Variants in TMEM116 observed in about 807,000 individuals in gnomAD.
TMEM116 encodes the protein transmembrane protein 116.
In TMEM116, 38 loss-of-function variants were observed where a neutral mutation model predicts 44.3. That is an observed-to-expected ratio of 0.86 (90% CI 0.66 to 1.12). The LOEUF is 1.12. Among genes scored for constraint, TMEM116 ranks in the 50% most tolerant of loss-of-function variants. The probability of loss-of-function intolerance (pLI) is 0.00; values close to 1 mark genes in which losing one functional copy is unlikely to be tolerated. For missense variants in TMEM116, 354 were observed against 401.7 expected, an observed-to-expected ratio of 0.88 and a Z score of 1.01; for synonymous variants, 132 against 144.8, an observed-to-expected ratio of 0.91 and a Z score of 0.64.
intron 1 of TMEM116, among the ~76,000 whole-genome samples, chr12:112,006,552 G>A (rs2077595540): frequency 6.6e-6 from 1 of 152,222 alleles, no homozygotes; most frequent in Admixed American, 6.5e-5. Context: ...TTAATACACT[G>A]ATGCTTAAAT....
intron 2 of TMEM116, among the ~76,000 whole-genome samples, chr12:112,004,788 G>A (rs913107110): frequency 6.6e-6 from 1 of 151,628 alleles, no homozygotes; most frequent in African/African-American, 2.4e-5. Context: ...CTATTTTTAT[G>A]GGGTTTTTTT....
chr12:111,978,692 C>T, intron 4 of TMEM116: 1 of 385,438 alleles, frequency 2.6e-6, no homozygotes, highest in South Asian at 1.9e-5. Flanking sequence ...TGTTTGGATA[C>T]AACAAGAAAA....
At chr12:111,999,774 C>T (rs1360443508) in intron 3 of TMEM116, among the ~76,000 whole-genome samples, 1 of 152,050 alleles carries the variant, frequency 6.6e-6, no homozygotes, top group Non-Finnish European at 1.5e-5. Context: ...AAAAGACAAC[C>T]TATCCAGCAT....
chr12:112,009,863 C>A (rs899696619), intron 1 of TMEM116, among the ~76,000 whole-genome samples: 162 of 149,556 alleles, frequency 1.1e-3, no homozygotes, highest in African/African-American at 3.5e-3. Flanking sequence ...AAAAACAAAA[C>A]AAAACCTACT....
chr12:112,000,590 G>A (rs1183494677), intron 3 of TMEM116: 1 of 305,608 alleles, frequency 3.3e-6, no homozygotes, highest in Middle Eastern at 1.2e-3. Flanking sequence ...GCAGTGGCCC[G>A]ATCTTGGCTT....
At chr12:111,964,646 C>T (rs150457445) in intron 4 of TMEM116, among the ~76,000 whole-genome samples, 152 of 152,150 alleles carry the variant, frequency 1.0e-3, no homozygotes, top group African/African-American at 3.4e-3. Flanking sequence ...AACTGCTAAC[C>T]GTATTCCAAA....
At chr12:111,991,375 T>C (rs946137063) in intron 4 of TMEM116, among the ~76,000 whole-genome samples, 1 of 149,744 alleles carries the variant, frequency 6.7e-6, no homozygotes, top group Non-Finnish European at 1.5e-5. Context: ...ACAAAAAAAA[T>C]TAGTCGGGCG....
At chr12:112,008,813 T>C (rs1176857673) in intron 1 of TMEM116, among the ~76,000 whole-genome samples, 2 of 151,784 alleles carry the variant, frequency 1.3e-5, no homozygotes, top group Admixed American at 6.6e-5. Flanking sequence ...CTCTACTAAA[T>C]ACAAATAAAT....
chr12:112,011,660 T>C (rs1159208555), intron 1 of TMEM116: 1 of 152,266 alleles, frequency 6.6e-6, no homozygotes, highest in Non-Finnish European at 1.5e-5. Context: ...TTGGCTTTAG[T>C]CCCGTCTTCT....
chr12:111,960,948 A>T (rs2074546734), intron 4 of TMEM116, among the ~76,000 whole-genome samples: 1 of 151,742 alleles, frequency 6.6e-6, no homozygotes, highest in Non-Finnish European at 1.5e-5. Context: ...AACAAAGAAG[A>T]AGAGAAGAAT....
chr12:111,934,014 G>A lies in TMEM116; in HGVS notation c.605C>T (p.Ala202Val), dbSNP rs766133846. 6 of 1,613,932 alleles carry A rather than the reference G, an allele frequency of 3.7e-6. No individual in the cohort carries two copies. The South Asian group carries it at 6.6e-5, about 18-fold the overall frequency. ...CACAAACTTCTTATACAATGTCTGGGCTCGGATAAGTAAGACCTAAATATG... is the reference window on the plus strand; with the variant it reads ...CACAAACTTCTTATACAATGTCTGGACTCGGATAAGTAAGACCTAAATATG... Reference protein sequence around the residue: ...LLTIMVLLIRAQTLYKKFVKS... With the variant: ...LLTIMVLLIRVQTLYKKFVKS... Residue 202 changes from alanine (A) to valine (V), a missense_variant, in exon 9 of 11, where the codon GCC becomes GTC. By Grantham distance (64) the Ala-to-Val change is moderately conservative (BLOSUM62 0). Transcript: ENST00000552374.
At chr12:112,009,576 G>A (rs2077745647) in intron 1 of TMEM116, among the ~76,000 whole-genome samples, 1 of 149,460 alleles carries the variant, frequency 6.7e-6, no homozygotes, top group African/African-American at 2.5e-5. Context: ...AGTGGGTCAC[G>A]CCTGTAATCC....
chr12:111,978,125 A>G (rs2075765569), intron 4 of TMEM116, among the ~76,000 whole-genome samples: 1 of 151,028 alleles, frequency 6.6e-6, no homozygotes, highest in Admixed American at 6.6e-5. Context: ...AGGCCCAGCT[A>G]GCGCGGTGGC....
chr12:111,962,445 T>G (rs939892895), intron 4 of TMEM116, among the ~76,000 whole-genome samples: 4 of 152,188 alleles, frequency 2.6e-5, no homozygotes, highest in African/African-American at 9.7e-5. Context: ...AAAAACAGCA[T>G]GGTACTGGTA....
chr12:111,933,343 C>T (rs2071816799), intron 9 of TMEM116, among the ~76,000 whole-genome samples: 1 of 151,978 alleles, frequency 6.6e-6, no homozygotes, highest in Non-Finnish European at 1.5e-5. Context: ...GTTTTCTCCT[C>T]TTATATCATG....
rs553976826 is a variant in TMEM116, at chr12:111,972,939, T to G, written c.210+18819A>C. Among the ~76,000 whole-genome samples, 10 of 146,426 alleles carry G rather than the reference T, an allele frequency of 6.8e-5. No homozygotes were observed. The South Asian group carries it at 2.0e-3, about 29-fold the overall frequency. The stretch of plus-strand genomic sequence containing the variant: ...TGGATCACGAAGTCAGGAGATCGAG[T>G]TCATCCTGGCCAACATGGTGAAACC... On this transcript the variant is annotated intron_variant, in intron 4 of 10. Coordinates refer to ENST00000552374, the MANE Select transcript of TMEM116 (RefSeq NM_001193531.2).
intron 1 of TMEM116, among the ~76,000 whole-genome samples, chr12:112,009,059 A>C (rs1186803343): frequency 6.6e-6 from 1 of 152,214 alleles, no homozygotes; most frequent in Non-Finnish European, 1.5e-5. Context: ...AATTACTGCC[A>C]ATAAAATGAA....
chr12:111,951,543 A>G (rs1702649747), intron 4 of TMEM116, among the ~76,000 whole-genome samples: 1 of 152,184 alleles, frequency 6.6e-6, no homozygotes, highest in African/African-American at 2.4e-5. Flanking sequence ...AGTGGCCATG[A>G]TCCTTAGCAA....
chr12:111,953,507 T>C (rs2073884246), intron 4 of TMEM116, among the ~76,000 whole-genome samples: 1 of 152,124 alleles, frequency 6.6e-6, no homozygotes, highest in South Asian at 2.1e-4. Flanking sequence ...CTCATGCACA[T>C]ATGCCTGATA....
Sources: allele counts gnomAD v4.1 joint callset (sites outside exome capture counted in the v4.1 genomes callset), GRCh38; gene constraint gnomAD v4.1.1; transcripts MANE v1.5; gene names NCBI Gene and HGNC (gene_info 2026-07-23, HGNC 2026-07-21).